The following PCDH11X variants were observed in gnomAD, a reference collection of about 807,000 sequenced individuals.
PCDH11X encodes protocadherin-11 X-linked.
In PCDH11X, 18 loss-of-function variants were observed where a neutral mutation model predicts 53.3. That is an observed-to-expected ratio of 0.34 (90% CI 0.23 to 0.50). The LOEUF is 0.50. Among genes scored for constraint, PCDH11X ranks in the 20% least tolerant of loss-of-function variants. The pLI is 0.98. For synonymous variants in PCDH11X, 279 were observed against 393.3 expected, an observed-to-expected ratio of 0.71 and a Z score of 3.44; for missense variants, 570 against 1,032.4, an observed-to-expected ratio of 0.55 and a Z score of 6.14.
chrX:91,827,360 T>G (rs1936959218), intron 4 of PCDH11X, among the ~76,000 whole-genome samples: 1 of 111,680 alleles, frequency 9.0e-6, no homozygotes, highest in Non-Finnish European at 1.9e-5. Flanking sequence ...TATTAGACCT[T>G]TGTCAGATGC....
chrX:92,422,791 C>T (rs2072002907), intron 9 of PCDH11X, among the ~76,000 whole-genome samples: 1 of 110,411 alleles, frequency 9.1e-6, no homozygotes, highest in African/African-American at 3.3e-5. Context: ...AAAAGTGTTC[C>T]CTTTTCACCA....
At chrX:91,976,351 T>G (rs2062046587) in intron 6 of PCDH11X, among the ~76,000 whole-genome samples, 1 of 112,588 alleles carries the variant, frequency 8.9e-6, no homozygotes, top group Admixed American at 9.4e-5. Context: ...CACAGTTATT[T>G]TCATTATTAT....
intron 8 of PCDH11X, among the ~76,000 whole-genome samples, chrX:92,342,282 T>TCAAAAAAA (rs1035455391): frequency 9.1e-6 from 1 of 110,264 alleles, no homozygotes; most frequent in African/African-American, 3.3e-5. Context: ...TCAAGGATTA[T>TCAAAAAAA]CAAACAAACA....
chrX:92,081,780 T>G (rs2063861131), intron 6 of PCDH11X, among the ~76,000 whole-genome samples: 1 of 110,281 alleles, frequency 9.1e-6, no homozygotes, highest in African/African-American at 3.3e-5. Context: ...AACTCAAAAT[T>G]GGTTTCATAG....
intron 10 of PCDH11X, among the ~76,000 whole-genome samples, chrX:92,573,964 C>T (rs1922512341): frequency 9.0e-6 from 1 of 110,788 alleles, no homozygotes; most frequent in African/African-American, 3.3e-5. Context: ...TCATTTAAGA[C>T]TGAATGGCTT....
intron 10 of PCDH11X, among the ~76,000 whole-genome samples, chrX:92,508,201 T>C (rs1758546405): frequency 2.0e-5 from 2 of 100,908 alleles, no homozygotes; most frequent in Admixed American, 1.1e-4. Flanking sequence ...GTTAAGATAG[T>C]AACTCTACTT....
chrX:92,199,611 C>A (rs1468931177), intron 6 of PCDH11X, among the ~76,000 whole-genome samples: 1 of 109,371 alleles, frequency 9.1e-6, no homozygotes, highest in Non-Finnish European at 1.9e-5. Context: ...CTCAGCAGTT[C>A]TGTATATTGG....
chrX:91,824,970 T>A (rs1238722364), intron 4 of PCDH11X, among the ~76,000 whole-genome samples: 1 of 109,121 alleles, frequency 9.2e-6, no homozygotes, highest in Non-Finnish European at 1.9e-5. Flanking sequence ...GGGGGGTGCC[T>A]CCCAGTTAGG....
chrX:92,103,502 CA>C (rs1469643400), intron 6 of PCDH11X, among the ~76,000 whole-genome samples: 1 of 111,567 alleles, frequency 9.0e-6, no homozygotes, highest in Non-Finnish European at 1.9e-5. Flanking sequence ...CGGGCAGCAT[CA>C]GTCTTCAGCC....
At chrX:91,783,628 A>T (rs1468200710) in intron 1 of PCDH11X, among the ~76,000 whole-genome samples, 1 of 112,230 alleles carries the variant, frequency 8.9e-6, no homozygotes, top group East Asian at 2.8e-4. Context: ...GATTTATAAG[A>T]TTCTTGGTGG....
intron 10 of PCDH11X, among the ~76,000 whole-genome samples, chrX:92,534,481 T>G (rs1310643274): frequency 2.2e-4 from 24 of 111,574 alleles, no homozygotes; most frequent in Non-Finnish European, 3.8e-4. Flanking sequence ...AAAACACTCT[T>G]CAGGATATTA....
chrX:91,820,815 T>C (rs1407625529), intron 4 of PCDH11X, among the ~76,000 whole-genome samples: 1 of 101,840 alleles, frequency 9.8e-6, no homozygotes, highest in South Asian at 4.0e-4. Context: ...GGTCTAACGT[T>C]TAAGTCTTTA....
intron 6 of PCDH11X, among the ~76,000 whole-genome samples, chrX:92,122,052 T>G (rs2064780148): frequency 1.9e-5 from 2 of 102,804 alleles, no homozygotes; most frequent in Admixed American, 1.1e-4. Context: ...TGGCACGATC[T>G]CAGCTAACTG....
chrX:92,038,030 G>A (rs1158093555), intron 6 of PCDH11X, among the ~76,000 whole-genome samples: 1 of 109,327 alleles, frequency 9.1e-6, no homozygotes, highest in East Asian at 2.9e-4. Context: ...TTTCTAAGCA[G>A]CAAATCATTC....
Position 92,181,510 on chromosome X carries a change from G to A in PCDH11X, c.3034-19865G>A, listed in dbSNP as rs755330773. Among the ~76,000 whole-genome samples the A allele has an allele frequency of 1.5e-4, 17 of 111,767 alleles. 1 individual carries two copies. Among genetic ancestry groups the A allele is most frequent in the Non-Finnish European group, 1.9e-5 (1 of 53,179 alleles). ...CCAAATGTTAATCCCCAAGACAGTGGGGAAAATGTCTCCAGGGCACATCAA... is the reference window on the plus strand; with the variant it reads ...CCAAATGTTAATCCCCAAGACAGTGAGGAAAATGTCTCCAGGGCACATCAA... On this transcript the variant is annotated intron_variant, in intron 6 of 10. Transcript: ENST00000682573.
intron 6 of PCDH11X, among the ~76,000 whole-genome samples, chrX:92,134,741 G>A (rs1375002520): frequency 1.8e-5 from 2 of 111,383 alleles, no homozygotes; most frequent in Non-Finnish European, 3.8e-5. Context: ...GACCATATAG[G>A]GTCACTTCCT....
chrX:92,096,460 GTGTGTGTGTGTGTGTA>G (rs1297345758), intron 6 of PCDH11X, among the ~76,000 whole-genome samples: 1 of 109,214 alleles, frequency 9.2e-6, no homozygotes, highest in Non-Finnish European at 1.9e-5. Flanking sequence ...GTGTGTGTGT[GTGTGTGTGTGTGTGTA>G]TGTACCTGCT....
At chrX:91,821,099 G>A (rs1444428948) in intron 4 of PCDH11X, among the ~76,000 whole-genome samples, 31 of 105,249 alleles carry the variant, frequency 2.9e-4, no homozygotes, top group African/African-American at 1.1e-3. Flanking sequence ...TTTGAAGTCT[G>A]GTAGTGTGAT....
At chrX:92,309,336 T>C (rs1307883570) in intron 8 of PCDH11X, among the ~76,000 whole-genome samples, 3 of 111,897 alleles carry the variant, frequency 2.7e-5, no homozygotes, top group Admixed American at 9.6e-5. Context: ...TTCTGCAATA[T>C]GCTACAACAT....
Sources: allele counts gnomAD v4.1 joint callset (sites outside exome capture counted in the v4.1 genomes callset), GRCh38; gene constraint gnomAD v4.1.1; transcripts MANE v1.5; gene names NCBI Gene and HGNC (gene_info 2026-07-23, HGNC 2026-07-21).